Variants in RBFOX1 observed in about 807,000 individuals in gnomAD.
RBFOX1 encodes the protein RNA binding fox-1 homolog 1, also known as RNA binding protein fox-1 homolog 1.
In RBFOX1, 8 loss-of-function variants were observed where a neutral mutation model predicts 57.7. The observed-to-expected ratio is 0.14, with a 90% CI of 0.08 to 0.25. The LOEUF (loss-of-function observed/expected upper bound fraction) is 0.25. Among genes scored for constraint, RBFOX1 ranks in the 10% least tolerant of loss-of-function variants. RBFOX1 has a pLI of 1.00. For missense variants in RBFOX1, 611 were observed against 548.5 expected, an observed-to-expected ratio of 1.11 and a Z score of -1.14; for synonymous variants, 326 against 222.4, an observed-to-expected ratio of 1.47 and a Z score of -4.15.
At chr16:6,744,259 T>A (rs1344917075) in intron 3 of RBFOX1, among the ~76,000 whole-genome samples, 1 of 152,118 alleles carries the variant, frequency 6.6e-6, no homozygotes, top group African/African-American at 2.4e-5. Context: ...TAGCCAAATA[T>A]TTCAGTGCTA....
intron 3 of RBFOX1, among the ~76,000 whole-genome samples, chr16:6,943,119 A>C (rs1436631511): frequency 1.3e-5 from 2 of 152,188 alleles, no homozygotes; most frequent in Admixed American, 6.5e-5. Context: ...CTGGGTATTC[A>C]TTCCTTAGCT....
chr16:5,447,498 A>C (rs1323147301), intron 1 of RBFOX1, among the ~76,000 whole-genome samples: 1 of 151,776 alleles, frequency 6.6e-6, no homozygotes, highest in African/African-American at 2.4e-5. Context: ...ACTGAATTCA[A>C]GTGGTTCTCC....
chr16:5,410,669 T>C (rs2066996381), intron 1 of RBFOX1, among the ~76,000 whole-genome samples: 1 of 152,206 alleles, frequency 6.6e-6, no homozygotes, highest in African/African-American at 2.4e-5. Flanking sequence ...AAGCTCCGTG[T>C]TCCTGTCAAA....
At chr16:7,471,628 C>T (rs2061570194) in intron 4 of RBFOX1, among the ~76,000 whole-genome samples, 1 of 152,202 alleles carries the variant, frequency 6.6e-6, no homozygotes, top group South Asian at 2.1e-4. Flanking sequence ...GGCTTCTTTA[C>T]CCATGAGCTA....
At chr16:7,089,276 C>G (rs1031475323) in intron 4 of RBFOX1, among the ~76,000 whole-genome samples, 2 of 152,150 alleles carry the variant, frequency 1.3e-5, no homozygotes, top group Non-Finnish European at 2.9e-5. Context: ...TATAAAATCA[C>G]TAGTTAAAAC....
intron 1 of RBFOX1, among the ~76,000 whole-genome samples, chr16:5,390,538 C>G (rs1303536241): frequency 6.6e-6 from 1 of 152,144 alleles, no homozygotes. Context: ...ATCCACCTGC[C>G]TCGGCCTCCC....
At chr16:5,570,360 G>T (rs545426431) in intron 2 of RBFOX1, among the ~76,000 whole-genome samples, 18 of 152,264 alleles carry the variant, frequency 1.2e-4, no homozygotes, top group African/African-American at 4.3e-4. Context: ...CCCTATAAGG[G>T]TTGTTGTGAG....
intron 2 of RBFOX1, among the ~76,000 whole-genome samples, chr16:5,531,047 C>T (rs1006980909): frequency 6.6e-6 from 1 of 150,796 alleles, no homozygotes; most frequent in South Asian, 2.1e-4. Context: ...ATGGCGTGAG[C>T]CAGGGAGGTG....
intron 4 of RBFOX1, among the ~76,000 whole-genome samples, chr16:7,169,346 C>G (rs189379061): frequency 1.1e-3 from 163 of 152,288 alleles, no homozygotes; most frequent in African/African-American, 3.7e-3. Flanking sequence ...AATCTCAGCA[C>G]TATGGGTATA....
At chr16:6,584,495 G>A (rs1247698692) in intron 2 of RBFOX1, among the ~76,000 whole-genome samples, 2 of 151,690 alleles carry the variant, frequency 1.3e-5, no homozygotes, top group Non-Finnish European at 2.9e-5. Context: ...AGCCTCCCAA[G>A]TTGCTGGGAT....
At chr16:7,644,578 T>A (rs79208624) in intron 11 of RBFOX1, among the ~76,000 whole-genome samples, 1 of 152,294 alleles carries the variant, frequency 6.6e-6, no homozygotes, top group African/African-American at 2.4e-5. Context: ...CCATTTTCTT[T>A]CGTAACTGTA....
intron 1 of RBFOX1, among the ~76,000 whole-genome samples, chr16:6,079,999 C>G (rs1597096904): frequency 6.6e-6 from 1 of 152,276 alleles, no homozygotes; most frequent in South Asian, 2.1e-4. Flanking sequence ...GGCTTACAAC[C>G]ATGTAACAAT....
chr16:7,699,953 T>G (rs1048813861), intron 14 of RBFOX1, among the ~76,000 whole-genome samples: 2 of 152,138 alleles, frequency 1.3e-5, no homozygotes, highest in Non-Finnish European at 2.9e-5. Flanking sequence ...AATCTGGACA[T>G]TGTCAGTGTC....
chr16:5,832,940 G>C (rs1358698675), intron 3 of RBFOX1, among the ~76,000 whole-genome samples: 2 of 152,134 alleles, frequency 1.3e-5, no homozygotes, highest in African/African-American at 4.8e-5. Context: ...TCCTGAAAAA[G>C]ATATTCACCA....
intron 4 of RBFOX1, among the ~76,000 whole-genome samples, chr16:7,121,417 A>G (rs770415648): frequency 6.6e-6 from 1 of 152,162 alleles, no homozygotes; most frequent in Non-Finnish European, 1.5e-5. Context: ...TCATATATCT[A>G]TATACTAGGA....
intron 4 of RBFOX1, among the ~76,000 whole-genome samples, chr16:7,375,353 G>A (rs1415409495): frequency 2.6e-5 from 4 of 152,126 alleles, no homozygotes; most frequent in South Asian, 2.1e-4. Context: ...GATAATTATA[G>A]CAGTAACTAC....
chr16:5,895,214 G>A (rs564655275), intron 4 of RBFOX1, among the ~76,000 whole-genome samples: 1 of 152,160 alleles, frequency 6.6e-6, no homozygotes, highest in Non-Finnish European at 1.5e-5. Flanking sequence ...ATAGTGTTAA[G>A]TCTTAACTTA....
chr16:6,771,027 A>C (rs1277126487), intron 3 of RBFOX1, among the ~76,000 whole-genome samples: 8 of 152,160 alleles, frequency 5.3e-5, no homozygotes, highest in Non-Finnish European at 1.0e-4. Context: ...CAGGATCCTT[A>C]GGAAGTTAAT....
chr16:5,626,971 G>C (rs973866965), intron 3 of RBFOX1, among the ~76,000 whole-genome samples: 11 of 152,110 alleles, frequency 7.2e-5, no homozygotes, highest in Non-Finnish European at 1.5e-4. Context: ...AGATAAATCA[G>C]CTTCCTTTTA....
Sources: gnomAD v4.1 joint callset for allele counts (sites outside exome capture counted in the v4.1 genomes callset) on GRCh38, gnomAD v4.1.1 for gene constraint, MANE v1.5 for transcripts, NCBI Gene and HGNC (gene_info 2026-07-23, HGNC 2026-07-21) for gene names.